COG5: variants seen among roughly 807,000 people sequenced by gnomAD.
COG5 encodes component of oligomeric golgi complex 5.
Under a neutral mutation model 110.4 loss-of-function variants are expected in COG5, and 86 were observed. The observed-to-expected ratio is 0.78, with a 90% CI of 0.65 to 0.93. The LOEUF (loss-of-function observed/expected upper bound fraction) is 0.93. Ranked by LOEUF, COG5 falls within the 40% of genes least tolerant of loss-of-function variation. The pLI is 0.00. For missense variants in COG5, 1,077 were observed against 987.0 expected (o/e 1.09, Z -1.22); for synonymous variants, 360 against 334.6 (o/e 1.08, Z -0.83).
At chr7:107,275,058 G>C (rs1487674357) in intron 14 of COG5, among the ~76,000 whole-genome samples, 1 of 152,128 alleles carries the variant, frequency 6.6e-6, no homozygotes, top group Non-Finnish European at 1.5e-5. Flanking sequence ...CTCTCAAAGT[G>C]CTAGGATTAT....
rs1563056700 is a variant in COG5, at chr7:107,476,183, T to TAAAAAAAAAAAAAAAAAA, written c.538+51053_538+51054insTTTTTTTTTTTTTTTTTT. ...TCTGGATTAATATAGTGCAATGATT[T>TAAAAAAAAAAAAAAAAAA]TAAAAAAAAAAAAAAAAAAAAAAAG... On this transcript the variant is annotated intron_variant, in intron 6 of 21. Coordinates refer to ENST00000297135, the MANE Select transcript of COG5 (RefSeq NM_006348.5). 2.3e-3 allele frequency among the ~76,000 whole-genome samples: 198 copies of TAAAAAAAAAAAAAAAAAA among 86,250 alleles called. 3 individuals are homozygous for TAAAAAAAAAAAAAAAAAA. Among genetic ancestry groups the TAAAAAAAAAAAAAAAAAA allele is most frequent in the East Asian group, 3.4e-3 (9 of 2,680 alleles). 56.6% of individuals were successfully genotyped at this position (86,250 alleles called of 152,430 possible). A position where few individuals can be genotyped will look rare whatever the true frequency, so the allele number is the denominator to read the frequency against.
At chr7:107,430,996 C>A (rs1486789495) in intron 6 of COG5, among the ~76,000 whole-genome samples, 1 of 151,502 alleles carries the variant, frequency 6.6e-6, no homozygotes, top group Non-Finnish European at 1.5e-5. Flanking sequence ...CTCCAAAAAC[C>A]AAAAAAACAA....
chr7:107,390,627 T>C (rs888907508), intron 7 of COG5, among the ~76,000 whole-genome samples: 4 of 151,286 alleles, frequency 2.6e-5, no homozygotes, highest in African/African-American at 9.7e-5. Context: ...TAGATCTACA[T>C]AGCCAACAAA....
At chr7:107,511,121 A>G (rs1252213351) in intron 6 of COG5, among the ~76,000 whole-genome samples, 1 of 148,842 alleles carries the variant, frequency 6.7e-6, no homozygotes, top group African/African-American at 2.5e-5. Context: ...TTTTTTGAAA[A>G]GATCAACAAA....
intron 8 of COG5, among the ~76,000 whole-genome samples, chr7:107,372,276 G>C (rs1470129244): frequency 6.6e-6 from 1 of 152,144 alleles, no homozygotes; most frequent in Non-Finnish European, 1.5e-5. Flanking sequence ...AAGTACATGG[G>C]AGGATAAGGA....
chr7:107,418,582 G>A (rs1340598389), intron 6 of COG5, among the ~76,000 whole-genome samples: 1 of 134,162 alleles, frequency 7.5e-6, no homozygotes, highest in Non-Finnish European at 1.6e-5. Context: ...TCCACACACA[G>A]ACACATAAAC....
intron 6 of COG5, among the ~76,000 whole-genome samples, chr7:107,431,446 G>T (rs189541818): frequency 6.6e-6 from 1 of 152,026 alleles, no homozygotes; most frequent in East Asian, 1.9e-4. Context: ...ATGGGTAAGG[G>T]GTGTTTATTT....
At position 107,497,786 on chromosome 7, in the gene COG5, A is replaced by G. The variant is rs551407294; in HGVS notation, c.538+29451T>C. Among the ~76,000 whole-genome samples, 7 of 152,186 alleles carry G rather than the reference A, an allele frequency of 4.6e-5. No homozygotes were observed. In the South Asian group the frequency reaches 1.4e-3, roughly 32 times the overall value. ...ATGTCATTTTTTAGAGAAATAGAAA[A>G]AAAAATCTAAAATTCATATGGAACC... On this transcript the variant is annotated intron_variant, in intron 6 of 21. Transcript: ENST00000297135.
chr7:107,371,863 G>C (rs902106931), intron 8 of COG5, among the ~76,000 whole-genome samples: 1 of 152,156 alleles, frequency 6.6e-6, no homozygotes, highest in Admixed American at 6.5e-5. Context: ...TCTTTGCTGG[G>C]AGAAAGCATA....
intron 19 of COG5, among the ~76,000 whole-genome samples, chr7:107,215,312 A>G (rs1387662561): frequency 6.6e-6 from 1 of 152,202 alleles, no homozygotes; most frequent in Non-Finnish European, 1.5e-5. Context: ...CCTATCAATA[A>G]TTATTTTAAG....
intron 6 of COG5, among the ~76,000 whole-genome samples, chr7:107,496,214 A>G (rs1317580552): frequency 2.0e-5 from 3 of 152,226 alleles, no homozygotes; most frequent in African/African-American, 7.2e-5. Context: ...ACACTACAAG[A>G]AAACAACAGC....
At chr7:107,461,392 A>G (rs1449976759) in intron 6 of COG5, among the ~76,000 whole-genome samples, 2 of 152,182 alleles carry the variant, frequency 1.3e-5, no homozygotes, top group African/African-American at 4.8e-5. Flanking sequence ...TGCATTCCTG[A>G]TAAAAATTCT....
chr7:107,554,247 T>C (rs756174369), intron 3 of COG5, 38 bp downstream of exon 3: 13 of 1,581,604 alleles, frequency 8.2e-6, no homozygotes, highest in Middle Eastern at 1.7e-4. Flanking sequence ...ATCCCTGGTC[T>C]AGCTCTACAT....
chr7:107,455,386 C>G lies in COG5; in HGVS notation c.539-42754G>C, dbSNP rs183630478. ...ACTTTTAGATGAGATGCACAGGAAG[C>G]AAAAAGTTGATAAAATTTATTTGTT... On this transcript the variant is annotated intron_variant, in intron 6 of 21. Coordinates refer to ENST00000297135, the MANE Select transcript of COG5 (RefSeq NM_006348.5). Among the ~76,000 whole-genome samples the G allele has an allele frequency of 1.9e-3, 282 of 152,088 alleles. 2 individuals are homozygous for G. Among genetic ancestry groups the G allele is most frequent in the African/African-American group, 6.6e-3 (273 of 41,498 alleles).
intron 8 of COG5, among the ~76,000 whole-genome samples, chr7:107,366,678 C>T (rs1197249537): frequency 1.3e-5 from 2 of 151,994 alleles, no homozygotes; most frequent in South Asian, 2.1e-4. Context: ...ACACTAAAAC[C>T]CAGCAGTTGG....
chr7:107,201,538 A>G lies in COG5; in HGVS notation c.*1978T>C, dbSNP rs948859334. 1 of 628,202 alleles carries G rather than the reference A, an allele frequency of 1.6e-6. No homozygotes were observed. Among genetic ancestry groups the G allele is most frequent in the Non-Finnish European group, 2.9e-6 (1 of 345,204 alleles). The allele number at this position is 628,202 out of a possible 1,614,324, so 38.9% of individuals were successfully genotyped here. On this transcript the variant is annotated 3_prime_UTR_variant, in exon 22 of 22. Transcript: ENST00000297135. The stretch of plus-strand genomic sequence containing the variant: ...CCATTTGTCCTCAATTCGTGTGACC[A>G]TAAGATACTGATAGCATTGAGTCTT...
chr7:107,316,763 C>A (rs1310009977), intron 11 of COG5, among the ~76,000 whole-genome samples: 1 of 132,308 alleles, frequency 7.6e-6, no homozygotes. Context: ...ACCCAGGAGG[C>A]GGAGCTTGCA....
chr7:107,420,036 A>G (rs1793168932), intron 6 of COG5, among the ~76,000 whole-genome samples: 2 of 152,256 alleles, frequency 1.3e-5, no homozygotes, highest in South Asian at 4.1e-4. Flanking sequence ...AAACATCTTT[A>G]AAATATGTAA....
At chr7:107,260,307 G>GA (rs1227602417) in intron 14 of COG5, among the ~76,000 whole-genome samples, 5 of 151,998 alleles carry the variant, frequency 3.3e-5, no homozygotes, top group Admixed American at 6.6e-5. Flanking sequence ...TATTCTATGT[G>GA]AAAAAACCAA....
Sources: gnomAD v4.1 joint callset for allele counts (sites outside exome capture counted in the v4.1 genomes callset) on GRCh38, gnomAD v4.1.1 for gene constraint, MANE v1.5 for transcripts, NCBI Gene and HGNC (gene_info 2026-07-23, HGNC 2026-07-21) for gene names.